The following EEA1 variants were observed in gnomAD, a reference collection of about 807,000 sequenced individuals.
EEA1 encodes early endosome antigen 1, 162kD.
EEA1 carries 111 observed loss-of-function variants against 209.2 expected under a neutral mutation model. The observed-to-expected ratio is 0.53, with a 90% CI of 0.45 to 0.62. EEA1 has a LOEUF of 0.62. Ranked by LOEUF, EEA1 falls within the 20% of genes least tolerant of loss-of-function variation. The pLI, the probability that EEA1 is intolerant of heterozygous loss-of-function variation, is 0.00. For missense variants in EEA1, 1,343 were observed against 1,530.8 expected (o/e 0.88, Z 2.05); for synonymous variants, 536 against 540.6 (o/e 0.99, Z 0.12).
At chr12:92,841,643 A>AT (rs1877167018) in intron 10 of EEA1, among the ~76,000 whole-genome samples, 1 of 152,190 alleles carries the variant, frequency 6.6e-6, no homozygotes, top group South Asian at 2.1e-4. Context: ...CAACGTAGTC[A>AT]TTAGGGGCAT....
intron 12 of EEA1, 122 bp downstream of exon 12, chr12:92,827,790 G>T: frequency 2.0e-6 from 2 of 1,018,498 alleles, no homozygotes; most frequent in Non-Finnish European, 2.7e-6. Context: ...TGTTGCTATT[G>T]GAGAGCAATA....
intron 24 of EEA1, among the ~76,000 whole-genome samples, chr12:92,779,502 G>T (rs1347435226): frequency 2.0e-5 from 3 of 151,822 alleles, no homozygotes; most frequent in African/African-American, 7.3e-5. Flanking sequence ...TTAAATCCAG[G>T]TGACAAAAAT....
Position 92,828,022 on chromosome 12 carries a change from C to T in EEA1, c.1294G>A (p.Glu432Lys), listed in dbSNP as rs1397492057. The T allele has an allele frequency of 1.3e-6, 2 of 1,592,048 alleles. No homozygotes were observed. The highest frequency in any genetic ancestry group is 1.7e-6 in the Non-Finnish European group (2 of 1,171,504). The change falls in exon 12 of 29, where the codon GAA (glutamate) becomes AAA (lysine). Residue 432 changes from glutamate to lysine, a missense_variant. Transcript: ENST00000322349. ...TGTTCCTTCAGCCTACCATGAGCTT[C>T]CCCTAGTTGGCGCTCTGTCTCCAGA... ...KLLETERQLGEAHGRLKEQRQ... is the reference protein window; with the variant it reads ...KLLETERQLGKAHGRLKEQRQ...
At chr12:92,850,304 C>T (rs907081822) in intron 9 of EEA1, among the ~76,000 whole-genome samples, 19 of 152,296 alleles carry the variant, frequency 1.2e-4, no homozygotes, top group African/African-American at 4.6e-4. Flanking sequence ...TTGTGGATCA[C>T]TTAGCAGGGT....
At chr12:92,901,859 G>A (rs1220874402) in intron 1 of EEA1, among the ~76,000 whole-genome samples, 2 of 151,986 alleles carry the variant, frequency 1.3e-5, no homozygotes, top group African/African-American at 4.8e-5. Flanking sequence ...ATGAGCCACC[G>A]CACCCAGCCT....
intron 21 of EEA1, among the ~76,000 whole-genome samples, chr12:92,789,238 C>T (rs549413413): frequency 4.8e-5 from 7 of 146,892 alleles, no homozygotes; most frequent in African/African-American, 7.6e-5. Flanking sequence ...TGCAGTGAGC[C>T]GAGATCGCAC....
rs756643121 is a variant in EEA1, at chr12:92,812,989, A to C, written c.2034T>G (p.Asp678Glu). 1.3e-5 allele frequency: 20 copies of C among 1,577,162 alleles called. No homozygotes were observed. The highest frequency in any genetic ancestry group is 1.7e-5 in the Non-Finnish European group (20 of 1,155,410). Residue 678 changes from aspartate (D) to glutamate (E), a missense_variant, in exon 16 of 29, where the codon GAT (aspartate) becomes GAG (glutamate). Asp to Glu is a conservative substitution (Grantham distance 45, BLOSUM62 2). Around this residue, in one of 3 missense-constraint regions of EEA1, gnomAD observed 1,307 missense variants for 1,465.5 expected, o/e 0.89. Coordinates refer to ENST00000322349, the MANE Select transcript of EEA1 (RefSeq NM_003566.4). ...HLDTAQNALQ[D>E]KQQELNKITT... ...GCATCTGTTTCCCTACCTGCTGTTT[A>C]TCTTGTAATGCATTTTGAGCTGTGT... is the stretch of plus-strand genomic sequence containing the variant.
chr12:92,814,904 A>C (rs1875704933), intron 15 of EEA1, among the ~76,000 whole-genome samples: 2 of 152,184 alleles, frequency 1.3e-5, no homozygotes, highest in African/African-American at 4.8e-5. Context: ...ACACTCCAGA[A>C]AAAAACATTA....
chr12:92,853,758 T>C (rs1877740204), intron 6 of EEA1, among the ~76,000 whole-genome samples, 157 bp downstream of exon 6: 1 of 152,102 alleles, frequency 6.6e-6, no homozygotes, highest in Non-Finnish European at 1.5e-5. Context: ...CACATGTAAC[T>C]CTCTACACCT....
chr12:92,929,253 G>T lies in EEA1; in HGVS notation c.-187C>A. On this transcript the variant is annotated 5_prime_UTR_variant, in exon 1 of 29. Coordinates refer to ENST00000322349, the MANE Select transcript of EEA1 (RefSeq NM_003566.4). ...CCACAGGCGGCGAGAGGGAGCACGC[G>T]AGAGAGAGCGAGCGAACGACTAGGC... 1 of 444,302 alleles carries T rather than the reference G, an allele frequency of 2.3e-6. No individual in the cohort carries two copies. Among genetic ancestry groups the T allele is most frequent in the Non-Finnish European group, 3.9e-6 (1 of 254,458 alleles). 27.5% of individuals were successfully genotyped at this position (444,302 alleles called of 1,614,324 possible). A position where few individuals can be genotyped will look rare whatever the true frequency, so the allele number is the denominator to read the frequency against.
chr12:92,837,762 T>C (rs1876993330), intron 10 of EEA1, among the ~76,000 whole-genome samples: 1 of 152,248 alleles, frequency 6.6e-6, no homozygotes, highest in African/African-American at 2.4e-5. Context: ...AAAGCAATTA[T>C]CTTTTCCATC....
Position 92,771,188 on chromosome 12 carries a change from C to T in EEA1, c.*4823G>A, listed in dbSNP as rs1873419805. The stretch of plus-strand genomic sequence containing the variant: ...CAGATTATTGCATCAAAGGGAAGTC[C>T]ACAAACTTCCATTTCAGAATCGTAC... On this transcript the variant is annotated 3_prime_UTR_variant, in exon 29 of 29. Coordinates refer to ENST00000322349, the MANE Select transcript of EEA1 (RefSeq NM_003566.4). 1.3e-5 allele frequency: 2 copies of T among 152,016 alleles called. 1 individual carries two copies. The highest frequency in any genetic ancestry group is 4.1e-4 in the South Asian group (2 of 4,822). 9.4% of individuals were successfully genotyped at this position (152,016 alleles called of 1,614,324 possible). A position where few individuals can be genotyped will look rare whatever the true frequency, so the allele number is the denominator to read the frequency against.
At position 92,864,939 on chromosome 12, in the gene EEA1, G is replaced by T. The variant is rs757693157; in HGVS notation, c.166C>A (p.Leu56Ile). 22 of 1,611,346 alleles carry T rather than the reference G, an allele frequency of 1.4e-5. No homozygotes were observed. The highest frequency in any genetic ancestry group is 2.7e-5 in the African/African-American group (2 of 74,956). ...CMKSLGSADE[L>I]FKHYEAVHDA... ...TGAACAGCTTCATAATGTTTGAAAA[G>T]TTCATCAGCAGATCCAAGAGATTTC... The change falls in exon 3 of 29, where the codon CTT becomes ATT. Residue 56 changes from leucine (L) to isoleucine (I), a missense_variant. Physicochemically the swap from Leu to Ile is conservative, Grantham distance 5. Transcript: ENST00000322349.
At chr12:92,816,157 G>T in intron 15 of EEA1, 43 bp downstream of exon 15, 11 of 1,541,952 alleles carry the variant, frequency 7.1e-6, no homozygotes, top group Non-Finnish European at 9.8e-6. Context: ...ACATTTGACG[G>T]TCTAAAACTG....
chr12:92,805,414 G>A (rs1444973642), intron 18 of EEA1, among the ~76,000 whole-genome samples: 1 of 152,044 alleles, frequency 6.6e-6, no homozygotes, highest in East Asian at 1.9e-4. Context: ...CAACTCTGAT[G>A]GGTTTTATTT....
At chr12:92,881,175 G>A (rs778452426) in intron 2 of EEA1, among the ~76,000 whole-genome samples, 5 of 152,138 alleles carry the variant, frequency 3.3e-5, no homozygotes, top group South Asian at 2.1e-4. Context: ...AAGCCGAGGC[G>A]GGTGGACTGT....
intron 11 of EEA1, among the ~76,000 whole-genome samples, chr12:92,829,897 A>G (rs1876539572): frequency 6.6e-6 from 1 of 151,830 alleles, no homozygotes; most frequent in Non-Finnish European, 1.5e-5. Context: ...GACATAAATT[A>G]TGATAATAAA....
chr12:92,806,136 A>T (rs535943401), intron 18 of EEA1, among the ~76,000 whole-genome samples: 12 of 152,174 alleles, frequency 7.9e-5, no homozygotes, highest in South Asian at 4.1e-4. Context: ...AAAAGCTATT[A>T]AAAAAAAGCA....
chr12:92,896,565 C>A (rs1879894575), intron 1 of EEA1, among the ~76,000 whole-genome samples: 9 of 152,046 alleles, frequency 5.9e-5, no homozygotes. Flanking sequence ...AGCAAAACAG[C>A]AAACTTCATT....
Sources: gnomAD v4.1 joint callset for allele counts (sites outside exome capture counted in the v4.1 genomes callset) on GRCh38, gnomAD v4.1.1 for gene constraint, gnomAD v4.1.1 regional missense constraint, MANE v1.5 for transcripts, NCBI Gene and HGNC (gene_info 2026-07-23, HGNC 2026-07-21) for gene names.